The following SAMD3 variants were observed in gnomAD, a reference collection of about 807,000 sequenced individuals.
SAMD3 encodes the protein sterile alpha motif domain containing 3.
Under a neutral mutation model 58.5 loss-of-function variants are expected in SAMD3, and 63 were observed. The observed-to-expected ratio is 1.08, with a 90% CI of 0.88 to 1.33. SAMD3 has a LOEUF of 1.33. Among genes scored for constraint, SAMD3 ranks in the 40% most tolerant of loss-of-function variants. The pLI is 0.00. For synonymous variants in SAMD3, 220 were observed against 210.3 expected (o/e 1.05, Z -0.40); for missense variants, 604 against 608.4 (o/e 0.99, Z 0.08).
chr6:130,212,169 T>C (rs1483204595), intron 4 of SAMD3, among the ~76,000 whole-genome samples: 1 of 152,040 alleles, frequency 6.6e-6, no homozygotes, highest in Non-Finnish European at 1.5e-5. Flanking sequence ...CTCATGCCTC[T>C]TTCTACTATC....
intron 2 of SAMD3, among the ~76,000 whole-genome samples, chr6:130,231,430 G>A (rs886072311): frequency 5.9e-5 from 9 of 152,128 alleles, no homozygotes; most frequent in African/African-American, 1.9e-4. Context: ...CAGGGGTGGC[G>A]ATGGATGCCT....
chr6:130,312,061 C>A (rs761416277), intron 2 of SAMD3, among the ~76,000 whole-genome samples: 2 of 152,164 alleles, frequency 1.3e-5, no homozygotes, highest in Non-Finnish European at 2.9e-5. Flanking sequence ...AAGAGGCAAG[C>A]CACAGCTAAC....
At chr6:130,327,457 A>G (rs531429406) in intron 1 of SAMD3, among the ~76,000 whole-genome samples, 100 of 152,332 alleles carry the variant, frequency 6.6e-4, no homozygotes, top group African/African-American at 2.3e-3. Context: ...TTTAGGACTG[A>G]AAAACATGAA....
chr6:130,349,686 TA>T (rs1193490541), intron 1 of SAMD3, among the ~76,000 whole-genome samples: 1 of 152,112 alleles, frequency 6.6e-6, no homozygotes, highest in Non-Finnish European at 1.5e-5. Context: ...TTCCAATCAA[TA>T]GAAAAAGAGG....
At chr6:130,320,634 T>C (rs1014662661) in intron 1 of SAMD3, among the ~76,000 whole-genome samples, 15 of 152,116 alleles carry the variant, frequency 9.9e-5, no homozygotes, top group African/African-American at 3.6e-4. Context: ...TAAATGCCCA[T>C]CAACAGGTGA....
At chr6:130,200,991 GC>G (rs1450240812) in intron 5 of SAMD3, among the ~76,000 whole-genome samples, 1 of 152,054 alleles carries the variant, frequency 6.6e-6, no homozygotes, top group Non-Finnish European at 1.5e-5. Context: ...AGTTATACAA[GC>G]CAGAAGTACA....
intron 2 of SAMD3, among the ~76,000 whole-genome samples, chr6:130,304,150 A>T (rs890665049): frequency 6.6e-6 from 1 of 152,162 alleles, no homozygotes; most frequent in Non-Finnish European, 1.5e-5. Context: ...TACACGGTTA[A>T]ACAATGGTTT....
At chr6:130,184,675 T>C in intron 5 of SAMD3, 52 bp from the exon 6 acceptor site, 1 of 1,451,164 alleles carries the variant, frequency 6.9e-7, no homozygotes, top group Non-Finnish European at 9.4e-7. Context: ...ATATATGCAG[T>C]TTATTAATTT....
chr6:130,286,799 C>T (rs879403578), intron 2 of SAMD3, among the ~76,000 whole-genome samples: 2 of 152,180 alleles, frequency 1.3e-5, no homozygotes, highest in African/African-American at 2.4e-5. Context: ...GCAACCTCCA[C>T]CTCTCAGGCT....
At chr6:130,316,001 A>G (rs80276693) in intron 1 of SAMD3, among the ~76,000 whole-genome samples, 1 of 152,082 alleles carries the variant, frequency 6.6e-6, no homozygotes, top group African/African-American at 2.4e-5. Context: ...AAAGAATGGG[A>G]TATTAGGGGC....
chr6:130,214,583 T>G, intron 3 of SAMD3, 57 bp from the exon 4 acceptor site: 1 of 1,346,352 alleles, frequency 7.4e-7, no homozygotes, highest in Non-Finnish European at 1.0e-6. Context: ...ACACAGGCAT[T>G]CTGAAGAGGC....
chr6:130,365,258 G>A, exon 1 of SAMD3: 1 of 985,510 alleles, frequency 1.0e-6, no homozygotes, highest in Non-Finnish European at 1.2e-6. Context: ...CGTTGGCTTT[G>A]ATGTTTGGAG....
intron 1 of SAMD3, among the ~76,000 whole-genome samples, chr6:130,323,092 C>G (rs1236633193): frequency 6.6e-6 from 1 of 152,178 alleles, no homozygotes; most frequent in Non-Finnish European, 1.5e-5. Context: ...AAAGTCAAAA[C>G]AGCAAATAAT....
intron 5 of SAMD3, among the ~76,000 whole-genome samples, chr6:130,191,201 G>A (rs574366901): frequency 2.6e-5 from 4 of 152,066 alleles, no homozygotes; most frequent in Admixed American, 2.0e-4. Context: ...ATTAGACACC[G>A]TGAGAGTTTA....
chr6:130,269,092 A>C (rs10457542), intron 2 of SAMD3, among the ~76,000 whole-genome samples: 47,302 of 151,952 alleles, frequency 0.31, 7,741 homozygotes, highest in East Asian at 0.47. Context: ...TATACTCTTA[A>C]CTTTAAGTCC....
At chr6:130,346,819 A>G (rs1583137911) in intron 1 of SAMD3, among the ~76,000 whole-genome samples, 1 of 152,156 alleles carries the variant, frequency 6.6e-6, no homozygotes, top group African/African-American at 2.4e-5. Context: ...CTTAACTGGG[A>G]GGCACCCCCC....
intron 6 of SAMD3, 93 bp from the exon 7 acceptor site, chr6:130,184,280 T>C: frequency 4.9e-6 from 6 of 1,222,788 alleles, no homozygotes; most frequent in Middle Eastern, 2.0e-4. Flanking sequence ...TTTCTTCACA[T>C]TTTTCTATAT....
chr6:130,284,936 A>C (rs1245815823), intron 2 of SAMD3, among the ~76,000 whole-genome samples: 1 of 152,230 alleles, frequency 6.6e-6, no homozygotes, highest in Non-Finnish European at 1.5e-5. Context: ...TTGTTCCATA[A>C]TAGTAGAGTA....
rs548964762 is a variant in SAMD3, at chr6:130,245,608, T to C, written c.-187-22795A>G. ...GGAAAACTCTCTGAGTGCACATTGG[T>C]GGCCGCAACACAATAAGTGAGGCCC... On this transcript the variant is annotated intron_variant, in intron 2 of 13. Transcript: ENST00000368134. Among the ~76,000 whole-genome samples the C allele has an allele frequency of 2.6e-5, 4 of 152,330 alleles. No homozygotes were observed. The East Asian group carries it at 7.7e-4, about 29-fold the overall frequency.
Sources: gnomAD v4.1 joint callset for allele counts (sites outside exome capture counted in the v4.1 genomes callset) on GRCh38, gnomAD v4.1.1 for gene constraint, MANE v1.5 for transcripts, NCBI Gene and HGNC (gene_info 2026-07-23, HGNC 2026-07-21) for gene names.